TTPA: variants seen among roughly 807,000 people sequenced by gnomAD.
TTPA encodes alpha-tocopherol transfer protein.
A neutral mutation model predicts 25.9 loss-of-function variants in TTPA; 23 were observed. The ratio of observed to expected loss-of-function variants is 0.89; its 90% CI spans 0.64 to 1.26. The LOEUF is 1.26. Ranked by LOEUF, TTPA falls within the 50% of genes most tolerant of loss-of-function variation. The probability of loss-of-function intolerance (pLI) is 0.00; values close to 1 mark genes in which losing one functional copy is unlikely to be tolerated. For missense variants in TTPA, 337 were observed against 353.1 expected, an observed-to-expected ratio of 0.95 and a Z score of 0.37; for synonymous variants, 148 against 137.3, an observed-to-expected ratio of 1.08 and a Z score of -0.54.
intron 2 of TTPA, 32 bp from the exon 3 acceptor site, chr8:63,066,129 AT>A: frequency 6.3e-7 from 1 of 1,593,356 alleles, no homozygotes; most frequent in Non-Finnish European, 8.6e-7. Flanking sequence ...ATATCTTAGC[AT>A]TGTGTAAAAA....
chr8:63,071,777 T>A (rs1425316664), intron 2 of TTPA, among the ~76,000 whole-genome samples: 4 of 152,162 alleles, frequency 2.6e-5, no homozygotes, highest in East Asian at 1.9e-4. Context: ...GTGAGAGATG[T>A]CACCTAGGAA....
At chr8:63,062,906 T>G (rs1805330134) in intron 4 of TTPA, among the ~76,000 whole-genome samples, 1 of 152,194 alleles carries the variant, frequency 6.6e-6, no homozygotes, top group African/African-American at 2.4e-5. Flanking sequence ...CAAACAAAAT[T>G]GATTTGTATA....
At chr8:63,062,958 C>G (rs1323686817) in intron 4 of TTPA, among the ~76,000 whole-genome samples, 5 of 152,074 alleles carry the variant, frequency 3.3e-5, no homozygotes, top group Non-Finnish European at 7.4e-5. Context: ...GCCATTTTTG[C>G]TAAAGCAGGC....
intron 4 of TTPA, among the ~76,000 whole-genome samples, chr8:63,062,087 T>C (rs1375096829): frequency 6.6e-6 from 1 of 151,720 alleles, no homozygotes; most frequent in Non-Finnish European, 1.5e-5. Context: ...CCCAGATACT[T>C]GGTGGGCTGA....
At chr8:63,073,989 T>C (rs1240582562) in intron 1 of TTPA, among the ~76,000 whole-genome samples, 1 of 152,152 alleles carries the variant, frequency 6.6e-6, no homozygotes. Flanking sequence ...AAATTATGTA[T>C]TTAAAAATTA....
chr8:63,085,848 G>T lies in TTPA; in HGVS notation c.174C>A (p.Ala58=), dbSNP rs1343619559. ...TDSFLLRFLR[A]RDFDLDLAWR... is the part of the protein sequence containing the mutation. ...AGGCCAGGTCCAGATCGAAATCCCG[G>T]GCGCGCAGGAACCGCAGCAGGAAGG... The change falls in exon 1 of 5, where the codon GCC becomes GCA. Residue 58 remains alanine (A), a synonymous_variant. Transcript: ENST00000260116. 7 of 1,536,678 alleles carry T rather than the reference G, an allele frequency of 4.6e-6. No individual in the cohort carries two copies. Among genetic ancestry groups the T allele is most frequent in the Non-Finnish European group, 5.2e-6 (6 of 1,145,614 alleles).
chr8:63,072,506 T>C, intron 2 of TTPA, among the ~76,000 whole-genome samples: 1 of 152,186 alleles, frequency 6.6e-6, no homozygotes, highest in East Asian at 1.9e-4. Context: ...CAGCTGGGAT[T>C]ACAGGTGTGA....
chr8:63,079,421 C>T (rs1424802659), intron 1 of TTPA, among the ~76,000 whole-genome samples: 1 of 151,704 alleles, frequency 6.6e-6, no homozygotes, highest in Non-Finnish European at 1.5e-5. Context: ...CATCAGATGT[C>T]TATAGCACAT....
At chr8:63,071,752 A>G (rs1563362997) in intron 2 of TTPA, among the ~76,000 whole-genome samples, 1 of 152,144 alleles carries the variant, frequency 6.6e-6, no homozygotes, top group Non-Finnish European at 1.5e-5. Context: ...TTCACTTCCA[A>G]CATGTGAGGT....
At chr8:63,062,029 C>T (rs895890513) in intron 4 of TTPA, among the ~76,000 whole-genome samples, 3 of 151,176 alleles carry the variant, frequency 2.0e-5, no homozygotes, top group Admixed American at 1.3e-4. Context: ...ATGGCTGGTA[C>T]AAAAAAAATA....
intron 1 of TTPA, among the ~76,000 whole-genome samples, chr8:63,074,357 CT>C (rs1004881925): frequency 3.3e-5 from 5 of 152,178 alleles, no homozygotes; most frequent in Non-Finnish European, 5.9e-5. Context: ...TCTGCTCCCC[CT>C]CACCCCCATC....
At chr8:63,070,483 A>T (rs922997085) in intron 2 of TTPA, among the ~76,000 whole-genome samples, 1 of 152,162 alleles carries the variant, frequency 6.6e-6, no homozygotes, top group Admixed American at 6.5e-5. Context: ...TTTTCATTTT[A>T]CTCATAAAAC....
chr8:63,068,686 A>T (rs1404485937), intron 2 of TTPA, among the ~76,000 whole-genome samples: 1 of 152,142 alleles, frequency 6.6e-6, no homozygotes, highest in Admixed American at 6.5e-5. Context: ...CCCTTAACTG[A>T]TTTAAATGTT....
At chr8:63,067,847 A>G (rs556779394) in intron 2 of TTPA, among the ~76,000 whole-genome samples, 2 of 152,104 alleles carry the variant, frequency 1.3e-5, no homozygotes, top group Non-Finnish European at 2.9e-5. Flanking sequence ...GCTCCTACTT[A>G]TAAGTGAGAA....
At position 63,085,852 on chromosome 8, in the gene TTPA, C is replaced by A; in HGVS notation, c.170G>T (p.Arg57Leu). The A allele has an allele frequency of 6.5e-7, 1 of 1,536,338 alleles. No individual in the cohort carries two copies. The change falls in exon 1 of 5, where the codon CGC (arginine) becomes CTC (leucine). Residue 57 changes from arginine to leucine, a missense_variant. Arg to Leu is a moderately radical substitution (Grantham distance 102). Transcript: ENST00000260116. ...LTDSFLLRFL[R>L]ARDFDLDLAW... The stretch of plus-strand genomic sequence containing the variant: ...CAGGTCCAGATCGAAATCCCGGGCG[C>A]GCAGGAACCGCAGCAGGAAGGAGTC...
chr8:63,067,594 G>C (rs1246629013), intron 2 of TTPA, among the ~76,000 whole-genome samples: 1 of 150,640 alleles, frequency 6.6e-6, no homozygotes, highest in African/African-American at 2.4e-5. Context: ...ATAGAATTGT[G>C]GCACCATTTA....
At position 63,066,052 on chromosome 8, in the gene TTPA, A is replaced by G. The variant is rs2129746126; in HGVS notation, c.404T>C (p.Val135Ala). Residue 135 changes from valine to alanine, a missense_variant, in exon 3 of 5, where the codon GTA becomes GCA. Val to Ala is a moderately conservative substitution (Grantham distance 64). Coordinates refer to ENST00000260116, the MANE Select transcript of TTPA (RefSeq NM_000370.3). ...AATAAGCTCGGATGTGATTAGACTT[A>G]CTCGAAATACGTCATAAGCTGTAAA... ...KVFTAYDVFR[V>A]SLITSELIVQ... 1 of 1,613,760 alleles carries G rather than the reference A, an allele frequency of 6.2e-7. No individual in the cohort carries two copies. The highest frequency in any genetic ancestry group is 8.5e-7 in the Non-Finnish European group (1 of 1,179,954).
At chr8:63,083,406 T>C (rs953773243) in intron 1 of TTPA, among the ~76,000 whole-genome samples, 6 of 152,194 alleles carry the variant, frequency 3.9e-5, no homozygotes, top group Admixed American at 6.5e-5. Context: ...AAACACTGCA[T>C]GTTCTCACTC....
chr8:63,080,719 C>CA (rs764937720), intron 1 of TTPA, among the ~76,000 whole-genome samples: 2,145 of 69,692 alleles, frequency 0.031, 26 homozygotes, highest in African/African-American at 0.062. Context: ...GACTCCGTAT[C>CA]AAAAAAAAAA....
Sources: gnomAD v4.1 joint callset for allele counts (sites outside exome capture counted in the v4.1 genomes callset) on GRCh38, gnomAD v4.1.1 for gene constraint, MANE v1.5 for transcripts, NCBI Gene and HGNC (gene_info 2026-07-23, HGNC 2026-07-21) for gene names.